Variants in PRKDC observed in about 807,000 individuals in gnomAD.
The protein encoded by PRKDC is DNA-dependent protein kinase catalytic subunit.
PRKDC carries 82 observed loss-of-function variants against 486.9 expected under a neutral mutation model. That is an observed-to-expected ratio of 0.17 (90% CI 0.14 to 0.20). The LOEUF is 0.20. Ranked by LOEUF, PRKDC falls within the 10% of genes least tolerant of loss-of-function variation. PRKDC has a pLI of 1.00. For synonymous variants in PRKDC, 1,895 were observed against 1,837.0 expected (o/e 1.03, Z -0.81); for missense variants, 4,504 against 5,038.2 (o/e 0.89, Z 3.21).
intron 25 of PRKDC, among the ~76,000 whole-genome samples, chr8:47,910,976 T>C (rs973518494): frequency 1.3e-5 from 2 of 152,236 alleles, no homozygotes; most frequent in Non-Finnish European, 2.9e-5. Context: ...AGCTTTTTCC[T>C]TTATTAATTC....
At chr8:47,792,335 TG>T in intron 74 of PRKDC, among the ~76,000 whole-genome samples, 1 of 150,958 alleles carries the variant, frequency 6.6e-6, no homozygotes, top group African/African-American at 2.4e-5. Flanking sequence ...CTCGGCTCAC[TG>T]CAAGCTCCGC....
chr8:47,823,799 T>C, intron 64 of PRKDC, 59 bp downstream of exon 64: 1 of 1,593,798 alleles, frequency 6.3e-7, no homozygotes. Context: ...AAAGTCATAG[T>C]TCAGCAGAAA....
chr8:47,800,207 C>T (rs1376302108), intron 71 of PRKDC, among the ~76,000 whole-genome samples: 1 of 151,768 alleles, frequency 6.6e-6, no homozygotes, highest in Non-Finnish European at 1.5e-5. Flanking sequence ...TGGAACCAAC[C>T]CAAATGTCCA....
chr8:47,781,594 A>AT (rs2086699991), intron 80 of PRKDC, among the ~76,000 whole-genome samples: 1 of 152,218 alleles, frequency 6.6e-6, no homozygotes, highest in South Asian at 2.1e-4. Context: ...CAAAAAGGAA[A>AT]TAAAAAAAAC....
intron 15 of PRKDC, 92 bp from the exon 16 acceptor site, chr8:47,933,264 G>T: frequency 9.6e-7 from 1 of 1,046,028 alleles, no homozygotes; most frequent in Non-Finnish European, 1.3e-6. Flanking sequence ...AGATGTATGT[G>T]CCGGTTTGGG....
intron 71 of PRKDC, 91 bp from the exon 72 acceptor site, chr8:47,799,481 G>A: frequency 8.3e-7 from 1 of 1,199,664 alleles, no homozygotes; most frequent in East Asian, 2.6e-5. Context: ...CACATAAATG[G>A]ATCAACAGCT....
At chr8:47,943,084 C>G in intron 10 of PRKDC, 125 bp downstream of exon 10, 1 of 1,219,836 alleles carries the variant, frequency 8.2e-7, no homozygotes, top group South Asian at 1.6e-5. Context: ...CAACATCTTT[C>G]TGCTTTAAAT....
intron 29 of PRKDC, among the ~76,000 whole-genome samples, 192 bp downstream of exon 29, chr8:47,898,278 C>T (rs934328896): frequency 1.3e-5 from 2 of 152,124 alleles, no homozygotes; most frequent in African/African-American, 2.4e-5. Context: ...ATACCTTATC[C>T]CTTAAACCAA....
chr8:47,866,855 C>T (rs113102115), intron 40 of PRKDC, among the ~76,000 whole-genome samples: 3 of 152,226 alleles, frequency 2.0e-5, no homozygotes, highest in African/African-American at 7.2e-5. Flanking sequence ...CGGGCAAATA[C>T]AAGATGATAT....
rs148082231 is a variant in PRKDC, at chr8:47,838,686, T to A, written c.7553+462A>T. ...GTATTTGGTAAGAAACACATATAAC[T>A]GACTTACTCAGGACAGGCATTTTAG... On this transcript the variant is annotated intron_variant, in intron 56 of 85. Transcript: ENST00000314191. Among the ~76,000 whole-genome samples the A allele has an allele frequency of 2.9e-3, 440 of 152,322 alleles. 3 individuals carry two copies. Among genetic ancestry groups the A allele is most frequent in the African/African-American group, 0.01 (431 of 41,574 alleles).
At chr8:47,888,709 T>C in intron 33 of PRKDC, 59 bp from the exon 34 acceptor site, 4 of 1,482,798 alleles carry the variant, frequency 2.7e-6, no homozygotes, top group Middle Eastern at 1.8e-4. Context: ...ATTATCAAGA[T>C]ACACTGAAAA....
intron 26 of PRKDC, among the ~76,000 whole-genome samples, chr8:47,904,154 C>T (rs2089731471): frequency 1.3e-5 from 2 of 152,186 alleles, no homozygotes; most frequent in African/African-American, 4.8e-5. Context: ...CAATGCTTCT[C>T]CGTGTCAGGA....
At chr8:47,824,985 G>C (rs1227619341) in intron 63 of PRKDC, among the ~76,000 whole-genome samples, 2 of 152,094 alleles carry the variant, frequency 1.3e-5, no homozygotes, top group African/African-American at 4.8e-5. Context: ...TATGAATTCT[G>C]AATTCAATAA....
Position 47,774,123 on chromosome 8 carries a change from T to C in PRKDC, c.*50A>G, listed in dbSNP as rs148156098. ...TGGAATGCTGCCAACCAAAGTATAG[T>C]AGATTCTTTAAACAATGTAATGCTT... On this transcript the variant is annotated 3_prime_UTR_variant, in exon 86 of 86. Transcript: ENST00000314191. The C allele has an allele frequency of 4.1e-4, 616 of 1,505,998 alleles. 8 individuals are homozygous for C. The East Asian group carries it at 0.015, about 36-fold the overall frequency. 93.3% of individuals were successfully genotyped at this position (1,505,998 alleles called of 1,614,324 possible).
At position 47,902,671 on chromosome 8, in the gene PRKDC, G is replaced by A. The variant is rs1181933349; in HGVS notation, c.3167C>T (p.Thr1056Ile). 5 of 1,613,848 alleles carry A rather than the reference G, an allele frequency of 3.1e-6. No homozygotes were observed. Among genetic ancestry groups the A allele is most frequent in the Non-Finnish European group, 4.2e-6 (5 of 1,179,808 alleles). Residue 1056 changes from threonine to isoleucine, a missense_variant, in exon 27 of 86, where the codon ACC (threonine) becomes ATC (isoleucine). Physicochemically the swap from Thr to Ile is moderately conservative, Grantham distance 89. Coordinates refer to ENST00000314191, the MANE Select transcript of PRKDC (RefSeq NM_006904.7). Reference sequence around the variant, plus strand: ...ATAAAGTCGCTTGAAAAGCGATTTGGTGTTTACTGGACTCTTCTCCTGCTG... The same window carrying A: ...ATAAAGTCGCTTGAAAAGCGATTTGATGTTTACTGGACTCTTCTCCTGCTG... The part of the protein sequence containing the change: ...PQQQEKSPVN[T>I]KSLFKRLYSL...
intron 49 of PRKDC, among the ~76,000 whole-genome samples, chr8:47,856,225 G>A (rs1205733187): frequency 1.3e-5 from 2 of 151,982 alleles, no homozygotes; most frequent in Non-Finnish European, 2.9e-5. Flanking sequence ...TTGTGGTGGG[G>A]GGGTGGTGGT....
At chr8:47,890,542 T>C in intron 31 of PRKDC, 62 bp from the exon 32 acceptor site, 1 of 1,314,518 alleles carries the variant, frequency 7.6e-7, no homozygotes. Flanking sequence ...AAGATTAACA[T>C]AAAATTGCTT....
rs369985276 is a variant in PRKDC at position 47,912,459 on chromosome 8, T to C, written c.2885A>G (p.Tyr962Cys). The change falls in exon 25 of 86, where the codon TAT becomes TGT. Residue 962 changes from tyrosine to cysteine, a missense_variant. Physicochemically the swap from Tyr to Cys is radical, Grantham distance 194. Around this residue, in one of 6 missense-constraint regions of PRKDC, gnomAD observed 1,969 missense variants for 2,068.9 expected, o/e 0.95. Coordinates refer to ENST00000314191, the MANE Select transcript of PRKDC (RefSeq NM_006904.7). Reference sequence around the variant, plus strand: ...AAGCAGCACAGGAAACGTCCGCTTATAGAGCTGGTACATGGGTGGGGCTCC... The same window carrying C: ...AAGCAGCACAGGAAACGTCCGCTTACAGAGCTGGTACATGGGTGGGGCTCC... ...GQGAPPMYQL[Y>C]KRTFPVLLRL... The C allele has an allele frequency of 1.2e-5, 20 of 1,611,306 alleles. No homozygotes were observed. The highest frequency in any genetic ancestry group is 5.3e-5 in the African/African-American group (4 of 74,842).
In PRKDC at chr8:47,785,239, C is replaced by A; in HGVS notation, c.10981G>T (p.Asp3661Tyr). Residue 3661 changes from aspartate (D) to tyrosine (Y), a missense_variant, in exon 77 of 86, where the codon GAC (aspartate) becomes TAC (tyrosine). By Grantham distance (160) the Asp-to-Tyr change is radical. Coordinates refer to ENST00000314191, the MANE Select transcript of PRKDC (RefSeq NM_006904.7). ...LLRMKLSDFNDITNMLLLKMN... is the reference protein window; with the variant it reads ...LLRMKLSDFNYITNMLLLKMN... ...TTTAAAAGTAGCATGTTGGTAATGTCGTTGAAGTCACTGAGCTTCATTCTC... is the reference window on the plus strand; with the variant it reads ...TTTAAAAGTAGCATGTTGGTAATGTAGTTGAAGTCACTGAGCTTCATTCTC... The A allele has an allele frequency of 6.2e-7, 1 of 1,613,704 alleles. No homozygotes were observed. The highest frequency in any genetic ancestry group is 1.1e-5 in the South Asian group (1 of 91,014).
Sources: gnomAD v4.1 joint callset for allele counts (sites outside exome capture counted in the v4.1 genomes callset) on GRCh38, gnomAD v4.1.1 for gene constraint, gnomAD v4.1.1 regional missense constraint, MANE v1.5 for transcripts, NCBI Gene and HGNC (gene_info 2026-07-23, HGNC 2026-07-21) for gene names.